ARHGEF7: variants seen among roughly 807,000 people sequenced by gnomAD.
ARHGEF7 encodes PAK-interacting exchange factor beta.
Under a neutral mutation model 109.8 loss-of-function variants are expected in ARHGEF7, and 33 were observed. That is an observed-to-expected ratio of 0.30 (90% confidence interval 0.23 to 0.40). The LOEUF is 0.40. ARHGEF7 is among the 10% of genes least tolerant of loss of function. The probability of loss-of-function intolerance (pLI) is 1.00; values close to 1 mark genes in which losing one functional copy is unlikely to be tolerated. For synonymous variants in ARHGEF7, 458 were observed against 424.6 expected (o/e 1.08, Z -0.97); for missense variants, 938 against 1,098.5 (o/e 0.85, Z 2.07).
At chr13:111,154,925 G>A (rs1334765152) in intron 2 of ARHGEF7, among the ~76,000 whole-genome samples, 4 of 152,080 alleles carry the variant, frequency 2.6e-5, no homozygotes, top group Non-Finnish European at 5.9e-5. Context: ...TAAGAGTACA[G>A]TCGGCCCTCC....
chr13:111,248,214 G>T (rs536047187), intron 8 of ARHGEF7, among the ~76,000 whole-genome samples: 1 of 151,836 alleles, frequency 6.6e-6, no homozygotes, highest in African/African-American at 2.4e-5. Context: ...GAAGGATATT[G>T]CTCCACTGTC....
intron 13 of ARHGEF7, among the ~76,000 whole-genome samples, chr13:111,278,823 A>G (rs1257892380): frequency 6.6e-6 from 1 of 152,104 alleles, no homozygotes; most frequent in Admixed American, 6.6e-5. Context: ...GCCTTCTCTA[A>G]CCTAAGGAGA....
In ARHGEF7 at chr13:111,266,397, C is replaced by G. The variant is rs533402192; in HGVS notation, c.951-1151C>G. Among the ~76,000 whole-genome samples, 10 of 152,026 alleles carry G rather than the reference C, an allele frequency of 6.6e-5. No individual in the cohort carries two copies. The highest frequency in any genetic ancestry group is 2.4e-4 in the African/African-American group (10 of 41,376). On this transcript the variant is annotated intron_variant, in intron 8 of 21. Transcript: ENST00000646102. This position sits in a 1 kb window ranked among gnomAD's most constrained non-coding sequence, Gnocchi z 4.8. ...CTGTGTCGACGCTCGTGGACACCTT[C>G]GCTCTTGTGCCTTGCACTCTTTCTG...
At chr13:111,130,000 TAAAC>T (rs1249362176) in intron 1 of ARHGEF7, among the ~76,000 whole-genome samples, 19 of 152,182 alleles carry the variant, frequency 1.2e-4, no homozygotes, top group Admixed American at 1.2e-3. Context: ...GGTGAATAGA[TAAAC>T]AGATTGTGGT....
rs1324839279 is a variant in ARHGEF7, at chr13:111,203,116, A to G, written c.253-2173A>G. On this transcript the variant is annotated intron_variant, in intron 2 of 21. Coordinates refer to ENST00000646102, the MANE Select transcript of ARHGEF7 (RefSeq NM_001354046.2). ...GTGACTTGCTGCCTTGCCACTATGA[A>G]GGTTAGTAGAAATTTATGTATGTAT... The G allele has an allele frequency of 3.9e-6, 5 of 1,278,630 alleles. No individual in the cohort carries two copies. The South Asian group carries it at 6.4e-5, about 16-fold the overall frequency. 79.2% of individuals were successfully genotyped at this position (1,278,630 alleles called of 1,614,324 possible).
chr13:111,290,565 A>G (rs2093237295), intron 18 of ARHGEF7, among the ~76,000 whole-genome samples: 1 of 147,146 alleles, frequency 6.8e-6, no homozygotes, highest in Non-Finnish European at 1.5e-5. Context: ...TGTATGTGTC[A>G]TAGTGCCCAC....
At chr13:111,187,281 C>T (rs1001246128) in intron 2 of ARHGEF7, among the ~76,000 whole-genome samples, 4 of 152,170 alleles carry the variant, frequency 2.6e-5, no homozygotes, top group Non-Finnish European at 5.9e-5. Flanking sequence ...GAAATTGGTT[C>T]ACGTGGTGGG....
intron 5 of ARHGEF7, among the ~76,000 whole-genome samples, chr13:111,229,281 C>T (rs1309566359): frequency 1.3e-5 from 2 of 152,066 alleles, no homozygotes; most frequent in Non-Finnish European, 2.9e-5. Flanking sequence ...CTTATTTTGC[C>T]CTCTGTTTTA....
At chr13:111,161,947 A>G (rs2076776659) in intron 2 of ARHGEF7, among the ~76,000 whole-genome samples, 1 of 152,150 alleles carries the variant, frequency 6.6e-6, no homozygotes, top group South Asian at 2.1e-4. Context: ...GGTGGATTCT[A>G]AGTTTCCACG....
Position 111,272,358 on chromosome 13 carries a change from C to G in ARHGEF7, c.1074-1456C>G, listed in dbSNP as rs868835343. Among the ~76,000 whole-genome samples the G allele has an allele frequency of 6.6e-6, 1 of 152,164 alleles. No individual in the cohort carries two copies. The highest frequency in any genetic ancestry group is 2.4e-5 in the African/African-American group (1 of 41,444). ...GAGCCCTTGATGGTTCTGGTGTCCC[C>G]GAGACCTCTGGCAGTAGCCAGCTTG... On this transcript the variant is annotated intron_variant, in intron 9 of 21. Transcript: ENST00000646102. This position sits in a 1 kb window ranked among gnomAD's most constrained non-coding sequence, Gnocchi z 5.2.
intron 8 of ARHGEF7, among the ~76,000 whole-genome samples, chr13:111,259,903 A>G (rs758238588): frequency 5.9e-5 from 9 of 152,226 alleles, no homozygotes; most frequent in South Asian, 4.1e-4. Context: ...ATCCTATCAG[A>G]TAAATTTAAA....
chr13:111,122,327 C>G (rs1193813340), intron 1 of ARHGEF7, among the ~76,000 whole-genome samples: 1 of 152,210 alleles, frequency 6.6e-6, no homozygotes, highest in Non-Finnish European at 1.5e-5. Flanking sequence ...CCAGCCTGCC[C>G]CACCTGGTGT....
At chr13:111,289,116 C>T (rs1286649392) in intron 18 of ARHGEF7, among the ~76,000 whole-genome samples, 2 of 152,154 alleles carry the variant, frequency 1.3e-5, no homozygotes, top group East Asian at 1.9e-4. Context: ...ACTGCAACCT[C>T]TGCCTCCTGG....
chr13:111,261,746 T>TAA (rs1053817420), intron 8 of ARHGEF7, among the ~76,000 whole-genome samples: 1 of 152,184 alleles, frequency 6.6e-6, no homozygotes, highest in African/African-American at 2.4e-5. Context: ...ATTCATCTCT[T>TAA]AAAAAAATAT....
intron 10 of ARHGEF7, 108 bp from the exon 11 acceptor site, chr13:111,274,623 T>A (rs2092371849): frequency 2.0e-6 from 1 of 511,236 alleles, no homozygotes; most frequent in Non-Finnish European, 3.3e-6. Context: ...AAAGGGAATG[T>A]TAAGGGTTGA....
chr13:111,220,926 G>C (rs1050848384), intron 5 of ARHGEF7, among the ~76,000 whole-genome samples: 4 of 147,572 alleles, frequency 2.7e-5, no homozygotes, highest in Non-Finnish European at 6.0e-5. Context: ...TAGAGGGACA[G>C]AACTAATAGT....
intron 2 of ARHGEF7, among the ~76,000 whole-genome samples, chr13:111,188,159 A>G (rs1332678393): frequency 6.6e-6 from 1 of 152,176 alleles, no homozygotes; most frequent in African/African-American, 2.4e-5. Flanking sequence ...CTGAGGACTC[A>G]GGAACTGAGG....
chr13:111,296,381 G>A (rs1007130520), intron 19 of ARHGEF7, among the ~76,000 whole-genome samples: 2 of 152,152 alleles, frequency 1.3e-5, no homozygotes. Context: ...GCCCCCTGGG[G>A]TCTCCAGTCG....
chr13:111,287,766 T>C (rs1822825157), intron 17 of ARHGEF7, among the ~76,000 whole-genome samples: 1 of 152,186 alleles, frequency 6.6e-6, no homozygotes, highest in Non-Finnish European at 1.5e-5. Flanking sequence ...CAAGCTCCCC[T>C]GGCAGAGCGG....
Sources: gnomAD v4.1 joint callset for allele counts (sites outside exome capture counted in the v4.1 genomes callset) on GRCh38, gnomAD v4.1.1 for gene constraint, Gnocchi (gnomAD v3.1) non-coding constraint, MANE v1.5 for transcripts, NCBI Gene and HGNC (gene_info 2026-07-23, HGNC 2026-07-21) for gene names.